INPP4B: variants seen among roughly 807,000 people sequenced by gnomAD.
INPP4B encodes the protein inositol polyphosphate-4-phosphatase type II B.
Under a neutral mutation model 122.5 loss-of-function variants are expected in INPP4B, and 55 were observed. That is an observed-to-expected ratio of 0.45 (90% CI 0.36 to 0.56). INPP4B has a LOEUF of 0.56. INPP4B is among the 20% of genes least tolerant of loss of function. The pLI, the probability that INPP4B is intolerant of heterozygous loss-of-function variation, is 0.00. For synonymous variants in INPP4B, 403 were observed against 388.7 expected (o/e 1.04, Z -0.43); for missense variants, 1,000 against 1,097.7 (o/e 0.91, Z 1.26).
At chr4:142,202,333 G>A (rs965235738) in intron 14 of INPP4B, among the ~76,000 whole-genome samples, 3 of 152,014 alleles carry the variant, frequency 2.0e-5, no homozygotes, top group Non-Finnish European at 4.4e-5. Flanking sequence ...AAGACACGCT[G>A]ACCTCATATC....
chr4:142,159,689 A>T (rs1819072373), intron 17 of INPP4B, among the ~76,000 whole-genome samples: 2 of 151,938 alleles, frequency 1.3e-5, no homozygotes, highest in African/African-American at 4.8e-5. Context: ...ATATGTATCG[A>T]TTCAGTAATA....
At chr4:142,604,662 A>G (rs1315142437) in intron 2 of INPP4B, among the ~76,000 whole-genome samples, 1 of 151,978 alleles carries the variant, frequency 6.6e-6, no homozygotes, top group Admixed American at 6.6e-5. Context: ...AATTTAACCA[A>G]AGAGGTGAAA....
At chr4:142,163,876 T>A (rs536509760) in intron 16 of INPP4B, among the ~76,000 whole-genome samples, 1 of 151,948 alleles carries the variant, frequency 6.6e-6, no homozygotes, top group Non-Finnish European at 1.5e-5. Flanking sequence ...AACCTTTTTC[T>A]TTTCTCATTT....
At chr4:142,538,665 A>C (rs1208785586) in intron 2 of INPP4B, among the ~76,000 whole-genome samples, 2 of 152,156 alleles carry the variant, frequency 1.3e-5, no homozygotes, top group Admixed American at 1.3e-4. Context: ...AGAAGTACAG[A>C]AATTGCACCC....
chr4:142,372,642 C>G (rs1467646138), intron 7 of INPP4B, among the ~76,000 whole-genome samples: 1 of 152,018 alleles, frequency 6.6e-6, no homozygotes, highest in African/African-American at 2.4e-5. Context: ...CATCTCTCTT[C>G]CCAAGGTCTT....
chr4:142,241,321 T>C (rs17015781), intron 11 of INPP4B, among the ~76,000 whole-genome samples: 6,305 of 152,252 alleles, frequency 0.041, 719 homozygotes, highest in East Asian at 0.34. Context: ...TTTTGGACCA[T>C]ATCATTGTAT....
At chr4:142,354,131 C>T (rs1277762890) in intron 7 of INPP4B, among the ~76,000 whole-genome samples, 2 of 151,836 alleles carry the variant, frequency 1.3e-5, no homozygotes, top group East Asian at 1.9e-4. Context: ...ATGCAATAGC[C>T]GAAACCACCT....
At chr4:142,269,674 C>T (rs1030273172) in intron 10 of INPP4B, among the ~76,000 whole-genome samples, 2 of 152,048 alleles carry the variant, frequency 1.3e-5, no homozygotes, top group South Asian at 2.1e-4. Context: ...TATAATAGTC[C>T]ATTGTAGATT....
At chr4:142,724,052 C>T (rs1765035227) in intron 2 of INPP4B, among the ~76,000 whole-genome samples, 1 of 151,974 alleles carries the variant, frequency 6.6e-6, no homozygotes, top group South Asian at 2.1e-4. Flanking sequence ...CAAATTTTGG[C>T]AATACACAGA....
intron 7 of INPP4B, among the ~76,000 whole-genome samples, chr4:142,401,629 A>G (rs1422666009): frequency 1.3e-5 from 2 of 152,198 alleles, no homozygotes; most frequent in African/African-American, 4.8e-5. Flanking sequence ...ACCCTTATTA[A>G]TTACTCTGTA....
In INPP4B at chr4:142,177,365, A is replaced by G. The variant is rs187400507; in HGVS notation, c.1182-3556T>C. Reference sequence around the variant, plus strand: ...ACATGTCATATATTTTAACAGTTATAGCTTCTTAAATGGGAAGTAATAAGT... The same window carrying G: ...ACATGTCATATATTTTAACAGTTATGGCTTCTTAAATGGGAAGTAATAAGT... On this transcript the variant is annotated intron_variant, in intron 15 of 25. Coordinates refer to ENST00000262992, the MANE Select transcript of INPP4B (RefSeq NM_001101669.3). 1.5e-3 allele frequency among the ~76,000 whole-genome samples: 229 copies of G among 152,338 alleles called. 1 individual carries two copies. The highest frequency in any genetic ancestry group is 4.8e-3 in the African/African-American group (201 of 41,586).
chr4:142,369,587 AAAATAAAT>A (rs34391492), intron 7 of INPP4B, among the ~76,000 whole-genome samples: 1,783 of 142,444 alleles, frequency 0.013, 29 homozygotes, highest in African/African-American at 0.042. Flanking sequence ...GAAAATTAAA[AAAATAAAT>A]AAATAAATAA....
chr4:142,768,119 A>G (rs1464676649), intron 1 of INPP4B: 1 of 152,178 alleles, frequency 6.6e-6, no homozygotes, highest in Non-Finnish European at 1.5e-5. Context: ...GACTTAATAA[A>G]GTAATTCATG....
chr4:142,136,254 AG>A (rs1804172709), intron 18 of INPP4B, among the ~76,000 whole-genome samples: 1 of 152,202 alleles, frequency 6.6e-6, no homozygotes, highest in Non-Finnish European at 1.5e-5. Flanking sequence ...GCTGGCGTGA[AG>A]ATGGAAGGTC....
At chr4:142,561,896 A>G (rs1730553961) in intron 2 of INPP4B, among the ~76,000 whole-genome samples, 1 of 152,200 alleles carries the variant, frequency 6.6e-6, no homozygotes, top group African/African-American at 2.4e-5. Context: ...AAAGCCTGAA[A>G]AATAATTTTT....
chr4:142,692,956 G>T (rs201637662), intron 2 of INPP4B, among the ~76,000 whole-genome samples: 148 of 81,334 alleles, frequency 1.8e-3, no homozygotes, highest in African/African-American at 5.6e-3. Context: ...CATAGATAGA[G>T]ATAGACAGAC....
At chr4:142,456,608 T>C (rs1815475933) in intron 3 of INPP4B, among the ~76,000 whole-genome samples, 1 of 152,088 alleles carries the variant, frequency 6.6e-6, no homozygotes, top group African/African-American at 2.4e-5. Context: ...ATATAAAATA[T>C]AAAGAACATA....
intron 9 of INPP4B, among the ~76,000 whole-genome samples, chr4:142,296,164 C>T (rs756488107): frequency 6.6e-5 from 10 of 152,258 alleles, no homozygotes; most frequent in East Asian, 3.9e-4. Context: ...CCTTCAGTGA[C>T]TGAGAACTCT....
At chr4:142,669,750 C>T (rs1199057725) in intron 2 of INPP4B, among the ~76,000 whole-genome samples, 2 of 152,088 alleles carry the variant, frequency 1.3e-5, no homozygotes, top group Non-Finnish European at 2.9e-5. Context: ...TTGGTCTGGG[C>T]AGTAATGTTT....
Sources: allele counts gnomAD v4.1 joint callset (sites outside exome capture counted in the v4.1 genomes callset), GRCh38; gene constraint gnomAD v4.1.1; transcripts MANE v1.5; gene names NCBI Gene and HGNC (gene_info 2026-07-23, HGNC 2026-07-21).